The following ADGRL2 variants were observed in gnomAD, a reference collection of about 807,000 sequenced individuals.
The protein encoded by ADGRL2 is adhesion G protein-coupled receptor L2, also known as calcium-independent alpha-latrotoxin receptor 2.
Under a neutral mutation model 157.4 loss-of-function variants are expected in ADGRL2, and 44 were observed. That is an observed-to-expected ratio of 0.28 (90% CI 0.22 to 0.36). ADGRL2 has a LOEUF of 0.36. Ranked by LOEUF, ADGRL2 falls within the 10% of genes least tolerant of loss-of-function variation. ADGRL2 has a pLI of 1.00. For missense variants in ADGRL2, 1,510 were observed against 1,768.9 expected, an observed-to-expected ratio of 0.85 and a Z score of 2.63; for synonymous variants, 585 against 624.7, an observed-to-expected ratio of 0.94 and a Z score of 0.95.
At chr1:81,639,941 T>G (rs1390103358) in intron 3 of ADGRL2, among the ~76,000 whole-genome samples, 1 of 152,124 alleles carries the variant, frequency 6.6e-6, no homozygotes, top group Non-Finnish European at 1.5e-5. Context: ...TAAAATACAT[T>G]GAGTATTATA....
At chr1:81,585,063 A>G (rs914735394) in intron 3 of ADGRL2, among the ~76,000 whole-genome samples, 2 of 152,172 alleles carry the variant, frequency 1.3e-5, no homozygotes, top group African/African-American at 2.4e-5. Flanking sequence ...CATGTTACTT[A>G]CCTGCAATCA....
intron 2 of ADGRL2, among the ~76,000 whole-genome samples, chr1:81,872,394 G>A (rs1387715612): frequency 6.6e-6 from 1 of 152,034 alleles, no homozygotes; most frequent in Non-Finnish European, 1.5e-5. Context: ...TTTTGGCTTA[G>A]GATTGAAGAC....
At chr1:81,973,429 A>T (rs772405026) in intron 17 of ADGRL2, among the ~76,000 whole-genome samples, 5 of 152,210 alleles carry the variant, frequency 3.3e-5, no homozygotes, top group African/African-American at 9.7e-5. Flanking sequence ...CGTCAAACAC[A>T]TAAGTTGCAA....
At chr1:81,515,774 C>T (rs1467599437) in intron 2 of ADGRL2, among the ~76,000 whole-genome samples, 2 of 152,136 alleles carry the variant, frequency 1.3e-5, no homozygotes, top group Non-Finnish European at 2.9e-5. Flanking sequence ...CATTCATGCA[C>T]TGTATTTTTT....
intron 2 of ADGRL2, among the ~76,000 whole-genome samples, chr1:81,865,688 A>G (rs1168121148): frequency 6.6e-6 from 1 of 152,190 alleles, no homozygotes; most frequent in Non-Finnish European, 1.5e-5. Context: ...ACTTAGGGAG[A>G]CAATTCATCA....
At chr1:81,595,625 A>G (rs1361671555) in intron 3 of ADGRL2, among the ~76,000 whole-genome samples, 1 of 152,228 alleles carries the variant, frequency 6.6e-6, no homozygotes, top group Non-Finnish European at 1.5e-5. Flanking sequence ...TAAGAAAATT[A>G]CAATGTCACA....
chr1:81,688,072 C>A (rs2083265855), intron 3 of ADGRL2, among the ~76,000 whole-genome samples: 1 of 152,086 alleles, frequency 6.6e-6, no homozygotes, highest in South Asian at 2.1e-4. Context: ...TTATAGGTTA[C>A]CTGATGCTTC....
At chr1:81,962,691 TATGA>T (rs138143821) in intron 11 of ADGRL2, among the ~76,000 whole-genome samples, 9,997 of 152,208 alleles carry the variant, frequency 0.066, 331 homozygotes, top group East Asian at 0.093. Flanking sequence ...TATGATATCA[TATGA>T]GAGAGGCAGC....
chr1:81,894,458 T>G (rs1437441716), intron 2 of ADGRL2, among the ~76,000 whole-genome samples: 1 of 152,204 alleles, frequency 6.6e-6, no homozygotes, highest in African/African-American at 2.4e-5. Flanking sequence ...TTTGTGTGTA[T>G]CATATTACCC....
chr1:81,765,311 C>A (rs1316984613), intron 2 of ADGRL2, among the ~76,000 whole-genome samples: 4 of 151,838 alleles, frequency 2.6e-5, no homozygotes, highest in African/African-American at 4.8e-5. Context: ...ACTCTTTAGT[C>A]CAACATATCA....
At chr1:81,420,321 T>A (rs2077102791) in intron 1 of ADGRL2, among the ~76,000 whole-genome samples, 1 of 152,236 alleles carries the variant, frequency 6.6e-6, no homozygotes, top group Non-Finnish European at 1.5e-5. Flanking sequence ...TCTGAAAGGC[T>A]TGTTTTTGTT....
In ADGRL2 at chr1:81,742,259, ATTTG is replaced by A. The variant is rs893769446; in HGVS notation, c.-142-19548_-142-19545del. Among the ~76,000 whole-genome samples, 11 of 152,156 alleles carry A rather than the reference ATTTG, an allele frequency of 7.2e-5. No individual in the cohort carries two copies. In the South Asian group the frequency reaches 1.7e-3, roughly 23 times the overall value. On this transcript the variant is annotated intron_variant, in intron 1 of 20. Coordinates refer to the ADGRL2 transcript ENST00000359929. Reference sequence around the variant, plus strand: ...AATCTATAAAAACATATGAAATATAATTTGTTTAAGTGTAGTTTCCTTAGGAATC... The same window carrying A: ...AATCTATAAAAACATATGAAATATAATTTAAGTGTAGTTTCCTTAGGAATC...
intron 3 of ADGRL2, among the ~76,000 whole-genome samples, chr1:81,616,530 A>C (rs1374437152): frequency 6.6e-6 from 1 of 152,108 alleles, no homozygotes; most frequent in Non-Finnish European, 1.5e-5. Context: ...TCCATTCGTT[A>C]AGGCCAATTT....
At chr1:81,982,075 G>A in intron 19 of ADGRL2, 99 bp downstream of exon 19, 1 of 943,312 alleles carries the variant, frequency 1.1e-6, no homozygotes. Context: ...CTGGCATATT[G>A]TTAAAGAGCA....
chr1:81,662,713 C>A (rs936353052), intron 3 of ADGRL2, among the ~76,000 whole-genome samples: 8 of 150,942 alleles, frequency 5.3e-5, no homozygotes, highest in Non-Finnish European at 1.0e-4. Context: ...CACCACAGTG[C>A]CCGGCTAATT....
At chr1:81,817,541 T>A (rs1223495256) in intron 1 of ADGRL2, among the ~76,000 whole-genome samples, 1 of 152,058 alleles carries the variant, frequency 6.6e-6, no homozygotes, top group Non-Finnish European at 1.5e-5. Context: ...TTTGTCTGGG[T>A]CTTTAAAAAT....
intron 2 of ADGRL2, among the ~76,000 whole-genome samples, chr1:81,480,203 C>A (rs1238137401): frequency 1.3e-5 from 2 of 152,250 alleles, no homozygotes; most frequent in South Asian, 2.1e-4. Context: ...AGCATTATTA[C>A]CATTTTCCTT....
At chr1:81,936,649 G>A (rs2095314530) in intron 3 of ADGRL2, 79 bp from the exon 4 acceptor site, 11 of 793,064 alleles carry the variant, frequency 1.4e-5, no homozygotes, top group Non-Finnish European at 1.8e-5. Context: ...AAGAAAATGA[G>A]AAAAACTTCT....
intron 1 of ADGRL2, among the ~76,000 whole-genome samples, chr1:81,346,090 C>G (rs1195446763): frequency 6.6e-6 from 1 of 152,104 alleles, no homozygotes; most frequent in East Asian, 1.9e-4. Flanking sequence ...TAACCCAAAG[C>G]TAAGTTGCAC....
Sources: allele counts gnomAD v4.1 joint callset (sites outside exome capture counted in the v4.1 genomes callset), GRCh38; gene constraint gnomAD v4.1.1; transcripts MANE v1.5; gene names NCBI Gene and HGNC (gene_info 2026-07-23, HGNC 2026-07-21).